The following ULK2 variants were observed in gnomAD, a reference collection of about 807,000 sequenced individuals.
ULK2 encodes the protein unc-51 like autophagy activating kinase 2, also known as serine/threonine-protein kinase ULK2.
A neutral mutation model predicts 127.5 loss-of-function variants in ULK2; 76 were observed. The ratio of observed to expected loss-of-function variants is 0.60; its 90% CI spans 0.50 to 0.72. The LOEUF is 0.72. ULK2 is among the 30% of genes least tolerant of loss of function. The pLI is 0.00. For missense variants in ULK2, 1,144 were observed against 1,295.9 expected (o/e 0.88, Z 1.80); for synonymous variants, 452 against 461.9 (o/e 0.98, Z 0.28).
chr17:19,804,888 A>G, intron 14 of ULK2, 58 bp from the exon 15 acceptor site: 1 of 1,574,920 alleles, frequency 6.3e-7, no homozygotes, highest in Non-Finnish European at 8.6e-7. Flanking sequence ...TTTTTCTTTC[A>G]TTTGACCCAT....
chr17:19,835,322 T>C (rs994392389), intron 10 of ULK2, among the ~76,000 whole-genome samples: 5 of 151,152 alleles, frequency 3.3e-5, no homozygotes, highest in African/African-American at 4.9e-5. Context: ...CCTCGTGATC[T>C]GCCCACTTCA....
rs768701140 is a variant in ULK2, at chr17:19,867,412, C to A, written c.6G>T (p.Glu2Asp). 7 of 1,595,164 alleles carry A rather than the reference C, an allele frequency of 4.4e-6. No individual in the cohort carries two copies. The highest frequency in any genetic ancestry group is 6.0e-6 in the Non-Finnish European group (7 of 1,172,710). Residue 2 changes from glutamate (E) to aspartate (D), a missense_variant, in exon 1 of 27, where the codon GAG (glutamate) becomes GAT (aspartate). Glu to Asp is a conservative substitution (Grantham distance 45). Coordinates refer to ENST00000395544, the MANE Select transcript of ULK2 (RefSeq NM_014683.4). ...TGCTGTACTCGAAGTCACCCACCAC[C>A]TCCATGGCCGCGCCCCCGGGGCACA... M[E>D]VVGDFEYSKR...
chr17:19,842,817 A>C (rs1305357222), intron 8 of ULK2, among the ~76,000 whole-genome samples: 1 of 152,086 alleles, frequency 6.6e-6, no homozygotes, highest in Non-Finnish European at 1.5e-5. Context: ...CGGGATCCCA[A>C]AACCAGGCTA....
chr17:19,861,536 C>T (rs1440942991), intron 3 of ULK2, among the ~76,000 whole-genome samples: 1 of 151,562 alleles, frequency 6.6e-6, no homozygotes, highest in East Asian at 1.9e-4. Context: ...CAGAACGAGA[C>T]TCCGTCTCAA....
At position 19,771,130 on chromosome 17, in the gene ULK2, A is replaced by C. The variant is rs1296509416; in HGVS notation, c.*5219T>G. The C allele has an allele frequency of 6.6e-6, 1 of 152,218 alleles. No individual in the cohort carries two copies. The highest frequency in any genetic ancestry group is 2.4e-5 in the African/African-American group (1 of 41,452). The allele number at this position is 152,218 out of a possible 1,614,324, so 9.4% of individuals were successfully genotyped here. A position where few individuals can be genotyped will look rare whatever the true frequency, so the allele number is the denominator to read the frequency against. Reference sequence around the variant, plus strand: ...TGAGCATTTGGGCTTCCTAAGGGTGAGACAGTGTGGGGCTCCTGTGGGGAG... The same window carrying C: ...TGAGCATTTGGGCTTCCTAAGGGTGCGACAGTGTGGGGCTCCTGTGGGGAG... On this transcript the variant is annotated 3_prime_UTR_variant, in exon 27 of 27. Coordinates refer to ENST00000395544, the MANE Select transcript of ULK2 (RefSeq NM_014683.4).
In ULK2 at chr17:19,797,602, T is replaced by A; in HGVS notation, c.1603A>T (p.Ile535Phe). The part of the protein sequence containing the change: ...RLQSAPTLTD[I>F]YQNKQKLRKQ... ...CTGAGCTTCTGCTTGTTCTGATAGA[T>A]GTCAGTGAGGGTGGGGGCGCTCTGC... The change falls in exon 18 of 27, where the codon ATC (isoleucine) becomes TTC (phenylalanine). Residue 535 changes from isoleucine to phenylalanine, a missense_variant. This residue lies in a region of ULK2 where 913 missense variants were observed against 970.5 expected (regional missense o/e 0.94). Transcript: ENST00000395544. 1 of 1,613,646 alleles carries A rather than the reference T, an allele frequency of 6.2e-7. No individual in the cohort carries two copies. The highest frequency in any genetic ancestry group is 8.5e-7 in the Non-Finnish European group (1 of 1,179,898).
chr17:19,852,044 C>CA (rs201031615), intron 3 of ULK2, among the ~76,000 whole-genome samples: 1,694 of 48,162 alleles, frequency 0.035, 57 homozygotes, highest in African/African-American at 0.084. Flanking sequence ...GACTCCATCT[C>CA]AAAAAAAAAA....
chr17:19,829,838 CAAAA>C (rs60131689), intron 10 of ULK2, among the ~76,000 whole-genome samples: 1 of 120,624 alleles, frequency 8.3e-6, no homozygotes, highest in Non-Finnish European at 1.6e-5. Context: ...GACTCCATTT[CAAAA>C]AAAAAAAAAA....
rs2086752439 is a variant in ULK2 at position 19,772,688 on chromosome 17, A to G, written c.*3661T>C. 1 of 152,262 alleles carries G rather than the reference A, an allele frequency of 6.6e-6. No individual in the cohort carries two copies. Among genetic ancestry groups the G allele is most frequent in the South Asian group, 2.1e-4 (1 of 4,828 alleles). 9.4% of individuals were successfully genotyped at this position (152,262 alleles called of 1,614,324 possible). A position where few individuals can be genotyped will look rare whatever the true frequency, so the allele number is the denominator to read the frequency against. On this transcript the variant is annotated 3_prime_UTR_variant, in exon 27 of 27. Transcript: ENST00000395544. ...AAACATGTGCTAACCACTAATATCA[A>G]CATTAAGGATAGCCCGGGCGCGGTG... is the stretch of plus-strand genomic sequence containing the variant.
intron 25 of ULK2, among the ~76,000 whole-genome samples, chr17:19,779,747 C>T (rs541220467): frequency 6.6e-6 from 1 of 152,012 alleles, no homozygotes; most frequent in South Asian, 2.1e-4. Context: ...GTAAGTGGGA[C>T]CTGAGCACAT....
At chr17:19,800,528 A>C (rs1289929894) in intron 16 of ULK2, among the ~76,000 whole-genome samples, 1 of 152,140 alleles carries the variant, frequency 6.6e-6, no homozygotes, top group Non-Finnish European at 1.5e-5. Context: ...CCAAAATTTT[A>C]TTTAAAGATT....
chr17:19,856,977 CAAAAAAAAAAAAAA>C (rs1157706276), intron 3 of ULK2, among the ~76,000 whole-genome samples: 2 of 21,328 alleles, frequency 9.4e-5, no homozygotes, highest in African/African-American at 1.3e-4. Flanking sequence ...ACTCCATCTC[CAAAAAAAAAAAAAA>C]AAAAAAAAAA....
chr17:19,840,133 T>G (rs1597795898), intron 9 of ULK2: 3 of 392,620 alleles, frequency 7.6e-6, no homozygotes, highest in African/African-American at 6.3e-5. Flanking sequence ...AAGATGTCGT[T>G]CCCAAAGTAT....
At chr17:19,814,432 A>ATT (rs1163924469) in intron 13 of ULK2, among the ~76,000 whole-genome samples, 1 of 15,386 alleles carries the variant, frequency 6.5e-5, no homozygotes, top group East Asian at 8.3e-4. Flanking sequence ...ATATATATAT[A>ATT]TATATATTTT....
At chr17:19,836,101 T>C (rs1414242095) in intron 10 of ULK2, among the ~76,000 whole-genome samples, 1 of 146,042 alleles carries the variant, frequency 6.8e-6, no homozygotes. Flanking sequence ...AACCCATCTC[T>C]ACTAAAAAAA....
At chr17:19,820,260 G>A (rs1187666456) in intron 12 of ULK2, among the ~76,000 whole-genome samples, 1 of 152,070 alleles carries the variant, frequency 6.6e-6, no homozygotes, top group Non-Finnish European at 1.5e-5. Flanking sequence ...TGTTGGCCAG[G>A]ATGGTCTCAG....
chr17:19,850,404 T>C (rs1403780115), intron 3 of ULK2, among the ~76,000 whole-genome samples: 4 of 152,204 alleles, frequency 2.6e-5, no homozygotes, highest in Non-Finnish European at 5.9e-5. Flanking sequence ...TAGCTCCAGG[T>C]CTGCTGTTGA....
intron 12 of ULK2, among the ~76,000 whole-genome samples, chr17:19,821,953 T>A (rs2041158007): frequency 6.6e-6 from 1 of 151,346 alleles, no homozygotes; most frequent in Admixed American, 6.6e-5. Context: ...TCCAAAGTGC[T>A]GGGATTACAG....
intron 10 of ULK2, among the ~76,000 whole-genome samples, chr17:19,828,592 G>A (rs1186091030): frequency 1.3e-5 from 2 of 152,030 alleles, no homozygotes; most frequent in African/African-American, 2.4e-5. Flanking sequence ...ATACACAGAA[G>A]GAAATGAGAA....
Sources: allele counts gnomAD v4.1 joint callset (sites outside exome capture counted in the v4.1 genomes callset), GRCh38; gene constraint gnomAD v4.1.1; regional missense constraint gnomAD v4.1.1; transcripts MANE v1.5; gene names NCBI Gene and HGNC (gene_info 2026-07-23, HGNC 2026-07-21).